Variants in CDH7 observed in about 807,000 individuals in gnomAD.
CDH7 encodes cadherin-7.
A neutral mutation model predicts 71.8 loss-of-function variants in CDH7; 25 were observed. The ratio of observed to expected loss-of-function variants is 0.35; its 90% CI spans 0.25 to 0.49. CDH7 has a LOEUF of 0.49. CDH7 is among the 20% of genes least tolerant of loss of function. The pLI, the probability that CDH7 is intolerant of heterozygous loss-of-function variation, is 0.99. For missense variants in CDH7, 862 were observed against 974.6 expected, an observed-to-expected ratio of 0.88 and a Z score of 1.54; for synonymous variants, 381 against 363.8, an observed-to-expected ratio of 1.05 and a Z score of -0.54.
chr18:65,762,751 C>A lies in CDH7; in HGVS notation c.-92C>A, dbSNP rs1323943294. On this transcript the variant is annotated 5_prime_UTR_variant, in exon 2 of 12. The change creates a premature stop within an existing upstream ORF in the 5' untranslated region. Coordinates refer to ENST00000397968, the MANE Select transcript of CDH7 (RefSeq NM_004361.5). ...CTCTGGACTCCCAGCTGACACCCTG[C>A]CGGAGGCAAGAGCTACTAAGCCAAC... is the stretch of plus-strand genomic sequence containing the variant. 8 of 1,009,696 alleles carry A rather than the reference C, an allele frequency of 7.9e-6. No individual in the cohort carries two copies. Among genetic ancestry groups the A allele is most frequent in the Non-Finnish European group, 2.9e-6 (2 of 693,882 alleles). 62.5% of individuals were successfully genotyped at this position (1,009,696 alleles called of 1,614,324 possible). A position where few individuals can be genotyped will look rare whatever the true frequency, so the allele number is the denominator to read the frequency against.
chr18:65,807,823 G>A (rs12607785), intron 2 of CDH7, among the ~76,000 whole-genome samples: 91,600 of 152,052 alleles, frequency 0.6, 29,352 homozygotes, highest in East Asian at 0.97. Context: ...GGAAACCACT[G>A]GAAGCACTGA....
At position 65,885,255 on chromosome 18, in the gene CDH7, T is replaced by G. The variant is rs902582048; in HGVS notation, c.*4361T>G. On this transcript the variant is annotated 3_prime_UTR_variant, in exon 12 of 12. Transcript: ENST00000397968. Reference sequence around the variant, plus strand: ...TGGCCGACATTGTAACGTATAATTCTGTGGGAAATTTTTCAAGCAAATCAA... The same window carrying G: ...TGGCCGACATTGTAACGTATAATTCGGTGGGAAATTTTTCAAGCAAATCAA... The G allele has an allele frequency of 1.1e-4, 17 of 152,032 alleles. No individual in the cohort carries two copies. The highest frequency in any genetic ancestry group is 4.1e-4 in the African/African-American group (17 of 41,402). The allele number at this position is 152,032 out of a possible 1,614,324, so 9.4% of individuals were successfully genotyped here.
At chr18:65,760,735 A>C (rs1203129649) in intron 1 of CDH7, among the ~76,000 whole-genome samples, 1 of 152,150 alleles carries the variant, frequency 6.6e-6, no homozygotes, top group African/African-American at 2.4e-5. Flanking sequence ...TGAAGGAAGA[A>C]GCTACATGAC....
At chr18:65,780,150 T>G (rs1297310983) in intron 2 of CDH7, among the ~76,000 whole-genome samples, 1 of 107,706 alleles carries the variant, frequency 9.3e-6, no homozygotes, top group East Asian at 2.6e-4. Context: ...TTGATGGGGT[T>G]GTTTGTTTTT....
chr18:65,779,716 G>T (rs2143826102), intron 2 of CDH7, among the ~76,000 whole-genome samples: 1 of 30,744 alleles, frequency 3.3e-5, no homozygotes, highest in East Asian at 7.8e-4. Context: ...TTGGACATTT[G>T]GGTTGGTTCC....
chr18:65,885,644 G>A lies in CDH7; in HGVS notation c.*4750G>A, dbSNP rs1331169934. The A allele has an allele frequency of 3.9e-5, 6 of 152,180 alleles. No homozygotes were observed. Among genetic ancestry groups the A allele is most frequent in the Admixed American group, 3.9e-4 (6 of 15,262 alleles). The allele number at this position is 152,180 out of a possible 1,614,324, so 9.4% of individuals were successfully genotyped here. A position where few individuals can be genotyped will look rare whatever the true frequency, so the allele number is the denominator to read the frequency against. On this transcript the variant is annotated 3_prime_UTR_variant, in exon 12 of 12. Coordinates refer to ENST00000397968, the MANE Select transcript of CDH7 (RefSeq NM_004361.5). ...GCCTCCCAAAGTGCTGGGATTACAGGCGTGAGCCACCGCGCCCGGCCCTGT... is the reference window on the plus strand; with the variant it reads ...GCCTCCCAAAGTGCTGGGATTACAGACGTGAGCCACCGCGCCCGGCCCTGT...
intron 2 of CDH7, among the ~76,000 whole-genome samples, chr18:65,767,984 C>T (rs1014646949): frequency 6.6e-6 from 1 of 152,126 alleles, no homozygotes; most frequent in Non-Finnish European, 1.5e-5. Flanking sequence ...TTACCAAAGG[C>T]TTTAGCTATA....
intron 5 of CDH7, 25 bp from the exon 6 acceptor site, chr18:65,824,619 T>C: frequency 1.3e-6 from 2 of 1,490,058 alleles, no homozygotes; most frequent in Non-Finnish European, 1.8e-6. Context: ...TGTAACGTGT[T>C]CATTTCTTGC....
chr18:65,795,423 G>A (rs1244382325), intron 2 of CDH7, among the ~76,000 whole-genome samples: 2 of 152,084 alleles, frequency 1.3e-5, no homozygotes, highest in Non-Finnish European at 2.9e-5. Context: ...CTCAGAAGCA[G>A]GTTTCTACCA....
chr18:65,847,480 A>G (rs1221853609), intron 7 of CDH7, among the ~76,000 whole-genome samples: 1 of 152,172 alleles, frequency 6.6e-6, no homozygotes, highest in Non-Finnish European at 1.5e-5. Context: ...GAGGCAATAA[A>G]TTAGAATTCT....
chr18:65,854,457 A>G (rs1913276605), intron 7 of CDH7, among the ~76,000 whole-genome samples: 2 of 152,186 alleles, frequency 1.3e-5, no homozygotes, highest in African/African-American at 2.4e-5. Context: ...GTAGTTTTCT[A>G]TGAGGCAAAT....
chr18:65,794,054 G>A (rs1910815509), intron 2 of CDH7, among the ~76,000 whole-genome samples: 1 of 152,026 alleles, frequency 6.6e-6, no homozygotes, highest in Non-Finnish European at 1.5e-5. Flanking sequence ...GGAAGTAGGA[G>A]ACAAGAATCA....
In CDH7 at chr18:65,843,952, C is replaced by T. The variant is rs200300048; in HGVS notation, c.1122C>T (p.Pro374=). ...VKIIVEDVDE[P]PVFSSPLYPM... ...TAATTGTGGAAGATGTAGATGAGCC[C>T]CCTGTGTTCTCTTCACCCTTGTACC... The change falls in exon 7 of 12, where the codon CCC becomes CCT. Residue 374 remains proline (P), a synonymous_variant. Transcript: ENST00000397968. 115 of 1,611,846 alleles carry T rather than the reference C, an allele frequency of 7.1e-5. No homozygotes were observed. The South Asian group carries it at 8.1e-4, about 11-fold the overall frequency.
intron 2 of CDH7, among the ~76,000 whole-genome samples, chr18:65,768,659 G>A (rs923322403): frequency 6.6e-6 from 1 of 152,166 alleles, no homozygotes; most frequent in African/African-American, 2.4e-5. Flanking sequence ...AGAGTCACAG[G>A]ATCTGCAGCC....
At chr18:65,865,622 T>A (rs1713202947) in intron 11 of CDH7, 2 of 152,162 alleles carry the variant, frequency 1.3e-5, no homozygotes, top group African/African-American at 4.8e-5. Context: ...AATGCTACCA[T>A]TTTAGCTCAG....
At chr18:65,777,478 G>A (rs1248159633) in intron 2 of CDH7, among the ~76,000 whole-genome samples, 5 of 151,824 alleles carry the variant, frequency 3.3e-5, no homozygotes, top group African/African-American at 1.2e-4. Flanking sequence ...CTCTCCAAAC[G>A]CGAAGCAAAT....
intron 2 of CDH7, among the ~76,000 whole-genome samples, chr18:65,798,473 G>T (rs73966305): frequency 0.018 from 2,757 of 152,300 alleles, 84 homozygotes; most frequent in African/African-American, 0.064. Context: ...TACTGAGTTG[G>T]AAATGTGTGT....
chr18:65,882,202 G>A lies in CDH7; in HGVS notation c.*1308G>A, dbSNP rs1296202900. ...CCAAGCAATGTATGATTTCTGTGTG[G>A]TTTAGATGTGCCAAAGGAAGGAAGG... is the stretch of plus-strand genomic sequence containing the variant. On this transcript the variant is annotated 3_prime_UTR_variant, in exon 12 of 12. Transcript: ENST00000397968. 6.6e-6 allele frequency: 1 copy of A among 152,084 alleles called. No individual in the cohort carries two copies. Among genetic ancestry groups the A allele is most frequent in the Non-Finnish European group, 1.5e-5 (1 of 67,976 alleles). The allele number at this position is 152,084 out of a possible 1,614,324, so 9.4% of individuals were successfully genotyped here.
chr18:65,770,209 CTTA>C (rs1412254230), intron 2 of CDH7, among the ~76,000 whole-genome samples: 1 of 152,012 alleles, frequency 6.6e-6, no homozygotes, highest in African/African-American at 2.4e-5. Context: ...ATTGATTTTG[CTTA>C]TTATTTTTTT....
Sources: gnomAD v4.1 joint callset for allele counts (sites outside exome capture counted in the v4.1 genomes callset) on GRCh38, gnomAD v4.1.1 for gene constraint, MANE v1.5 for transcripts, NCBI Gene and HGNC (gene_info 2026-07-23, HGNC 2026-07-21) for gene names.